The following CNBD1 variants were observed in gnomAD, a reference collection of about 807,000 sequenced individuals.
CNBD1 encodes cyclic nucleotide binding domain containing 1.
In CNBD1, 71 loss-of-function variants were observed where a neutral mutation model predicts 54.4. The ratio of observed to expected loss-of-function variants is 1.30; its 90% confidence interval spans 1.08 to 1.59. The LOEUF is 1.59. Ranked by LOEUF, CNBD1 falls within the 40% of genes most tolerant of loss-of-function variation. The probability of loss-of-function intolerance (pLI) is 0.00; values close to 1 mark genes in which losing one functional copy is unlikely to be tolerated. For synonymous variants in CNBD1, 182 were observed against 170.7 expected, an observed-to-expected ratio of 1.07 and a Z score of -0.51; for missense variants, 659 against 518.0, an observed-to-expected ratio of 1.27 and a Z score of -2.64.
intron 2 of CNBD1, among the ~76,000 whole-genome samples, chr8:87,428,263 GAA>G (rs776070537): frequency 1.2e-3 from 177 of 152,158 alleles, no homozygotes; most frequent in Non-Finnish European, 8.8e-4. Context: ...CTTTGAGGTA[GAA>G]AACCACTAAT....
chr8:86,914,732 T>C (rs758941473), intron 3 of CNBD1, among the ~76,000 whole-genome samples: 12 of 152,326 alleles, frequency 7.9e-5, no homozygotes, highest in Non-Finnish European at 1.2e-4. Flanking sequence ...TAATCTACAC[T>C]TCCCTTAAGC....
In CNBD1 at chr8:87,422,786, A is replaced by G. The variant is rs886979991; in HGVS notation, c.214-5760A>G. On this transcript the variant is annotated intron_variant, in intron 2 of 7. Transcript: ENST00000521593. ...TTTTTTGGTTCCATATGAACTTTAA[A>G]GTAGTTTTTCCCAATTCTGTGAAGA... Among the ~76,000 whole-genome samples the G allele has an allele frequency of 2.6e-4, 39 of 152,240 alleles. 1 individual carries two copies. In the South Asian group the frequency reaches 4.1e-3, roughly 16 times the overall value.
At chr8:86,930,699 C>T (rs1454835472) in intron 3 of CNBD1, among the ~76,000 whole-genome samples, 3 of 152,180 alleles carry the variant, frequency 2.0e-5, no homozygotes, top group Non-Finnish European at 2.9e-5. Context: ...CGGAATTACT[C>T]CCTCATTGAT....
chr8:87,309,995 A>G (rs10106392), intron 8 of CNBD1, among the ~76,000 whole-genome samples: 57,921 of 151,910 alleles, frequency 0.38, 11,320 homozygotes, highest in Middle Eastern at 0.46. Context: ...CAAGATACAA[A>G]ATCAATGTAC....
At chr8:87,022,227 G>A (rs553050880) in intron 4 of CNBD1, among the ~76,000 whole-genome samples, 19 of 152,330 alleles carry the variant, frequency 1.2e-4, no homozygotes, top group Non-Finnish European at 2.2e-4. Flanking sequence ...TGTCTGCAAA[G>A]AGGCAGGGGC....
chr8:87,260,657 TCTTTC>T (rs1271227069), intron 6 of CNBD1, among the ~76,000 whole-genome samples: 16 of 152,232 alleles, frequency 1.1e-4, no homozygotes, highest in East Asian at 1.9e-4. Context: ...TTCTGGGTTT[TCTTTC>T]CTTGAGCGGC....
intron 10 of CNBD1, among the ~76,000 whole-genome samples, chr8:87,373,415 G>A (rs756874566): frequency 5.9e-5 from 9 of 151,784 alleles, no homozygotes; most frequent in Non-Finnish European, 1.0e-4. Context: ...ACAAACCCTT[G>A]CTGCATCTCT....
In CNBD1 at chr8:87,058,231, G is replaced by A. The variant is rs180819083; in HGVS notation, c.431+118477G>A. ...GCAAGAGGTGGGCTCCCAAAGCCTC[G>A]GGCAGCTCCACCCCTGTTGCTTTGC... On this transcript the variant is annotated intron_variant, in intron 4 of 10. Coordinates refer to ENST00000518476, the MANE Select transcript of CNBD1 (RefSeq NM_173538.3). Among the ~76,000 whole-genome samples, 153 of 152,278 alleles carry A rather than the reference G, an allele frequency of 1.0e-3. 1 individual carries two copies. Among genetic ancestry groups the A allele is most frequent in the African/African-American group, 3.4e-3 (141 of 41,564 alleles).
chr8:87,422,365 A>G (rs1807955528), intron 2 of CNBD1, among the ~76,000 whole-genome samples: 1 of 131,610 alleles, frequency 7.6e-6, no homozygotes, highest in African/African-American at 3.3e-5. Flanking sequence ...TATGTCCTGA[A>G]TGGTAATGCC....
In CNBD1 at chr8:87,370,771, C is replaced by T. The variant is rs1254872759; in HGVS notation, c.1304-11849C>T. On this transcript the variant is annotated intron_variant, in intron 10 of 10. Coordinates refer to ENST00000518476, the MANE Select transcript of CNBD1 (RefSeq NM_173538.3). The stretch of plus-strand genomic sequence containing the variant: ...TCAATTTTGTCTTTTGTTGCCATTG[C>T]TTTTGGTGTTTTAGACATGAAGTCC... 5.4e-5 allele frequency among the ~76,000 whole-genome samples: 8 copies of T among 149,060 alleles called. No individual in the cohort carries two copies. In the East Asian group the frequency reaches 1.6e-3, roughly 29 times the overall value.
At chr8:86,875,310 A>G (rs1808504720) in intron 1 of CNBD1, among the ~76,000 whole-genome samples, 1 of 151,908 alleles carries the variant, frequency 6.6e-6, no homozygotes, top group Non-Finnish European at 1.5e-5. Flanking sequence ...TCCCACCTTA[A>G]TGTGGATGCC....
chr8:86,958,790 A>T (rs1807849377), intron 4 of CNBD1, among the ~76,000 whole-genome samples: 1 of 152,114 alleles, frequency 6.6e-6, no homozygotes, highest in Non-Finnish European at 1.5e-5. Flanking sequence ...CCAATTTGTC[A>T]GTATGTGTCT....
intron 4 of CNBD1, among the ~76,000 whole-genome samples, chr8:86,980,623 T>G (rs1250993998): frequency 1.3e-5 from 2 of 152,178 alleles, no homozygotes; most frequent in Non-Finnish European, 2.9e-5. Flanking sequence ...ATTGCTTACT[T>G]TTTTTGGTTA....
At chr8:87,282,096 TTCA>T (rs1243649873) in intron 6 of CNBD1, among the ~76,000 whole-genome samples, 5 of 151,834 alleles carry the variant, frequency 3.3e-5, no homozygotes, top group Admixed American at 1.3e-4. Flanking sequence ...TATCCCTCAC[TTCA>T]TCACTTTATT....
chr8:87,205,876 T>C, intron 4 of CNBD1, 117 bp from the exon 5 acceptor site: 2 of 834,776 alleles, frequency 2.4e-6, no homozygotes, highest in Non-Finnish European at 3.3e-6. Flanking sequence ...CAGTTCTTTT[T>C]TAAAAACCCT....
chr8:87,244,114 C>T (rs1478124986), intron 6 of CNBD1, among the ~76,000 whole-genome samples: 1 of 152,002 alleles, frequency 6.6e-6, no homozygotes, highest in Non-Finnish European at 1.5e-5. Flanking sequence ...TGGTTTTACA[C>T]ATTTTAGGGA....
chr8:87,151,534 C>T lies in CNBD1; in HGVS notation c.432-54459C>T, dbSNP rs146281307. 2.7e-3 allele frequency among the ~76,000 whole-genome samples: 415 copies of T among 152,242 alleles called. 4 individuals carry two copies. Among genetic ancestry groups the T allele is most frequent in the Non-Finnish European group, 3.9e-3 (264 of 68,014 alleles). On this transcript the variant is annotated intron_variant, in intron 4 of 10. Transcript: ENST00000518476. The stretch of plus-strand genomic sequence containing the variant: ...AAGGAAGGGGAATATACCACATCTA[C>T]AATGTTATAGTCCAATGTATGGACC...
intron 4 of CNBD1, among the ~76,000 whole-genome samples, chr8:87,086,191 C>T (rs1340800189): frequency 2.0e-5 from 3 of 152,150 alleles, no homozygotes; most frequent in African/African-American, 7.2e-5. Flanking sequence ...ACACTCATCC[C>T]CTTTTAGAAA....
chr8:87,388,396 C>A (rs1207536636), intron 2 of CNBD1, among the ~76,000 whole-genome samples: 2 of 151,826 alleles, frequency 1.3e-5, no homozygotes, highest in Admixed American at 6.6e-5. Flanking sequence ...CAAATAGACA[C>A]AATAAAAAAT....
Sources: gnomAD v4.1 joint callset for allele counts (sites outside exome capture counted in the v4.1 genomes callset) on GRCh38, gnomAD v4.1.1 for gene constraint, MANE v1.5 for transcripts, NCBI Gene and HGNC (gene_info 2026-07-23, HGNC 2026-07-21) for gene names.